NCOR2: variants seen among roughly 807,000 people sequenced by gnomAD.
NCOR2 encodes CTG repeat protein 26.
Under a neutral mutation model 262.9 loss-of-function variants are expected in NCOR2, and 81 were observed. The observed-to-expected ratio is 0.31, with a 90% confidence interval of 0.26 to 0.37. NCOR2 has a LOEUF of 0.37. Among genes scored for constraint, NCOR2 ranks in the 10% least tolerant of loss-of-function variants. NCOR2 has a pLI of 1.00. For synonymous variants in NCOR2, 1,659 were observed against 1,559.3 expected, an observed-to-expected ratio of 1.06 and a Z score of -1.51; for missense variants, 3,385 against 3,621.4, an observed-to-expected ratio of 0.93 and a Z score of 1.68.
intron 7 of NCOR2, 100 bp downstream of exon 9, chr12:124,449,714 TG>T: frequency 7.1e-7 from 1 of 1,404,438 alleles, no homozygotes; most frequent in Non-Finnish European, 9.8e-7. Context: ...GAGCCCCTGA[TG>T]GGAACAGAGA....
At chr12:124,384,741 G>A (rs1051837128) in intron 17 of NCOR2, among the ~76,000 whole-genome samples, 1 of 152,070 alleles carries the variant, frequency 6.6e-6, no homozygotes, top group African/African-American at 2.4e-5. Context: ...ATTCAGCATG[G>A]CCTGCCCGGA....
intron 11 of NCOR2, among the ~76,000 whole-genome samples, chr12:124,423,343 G>A (rs1194719843): frequency 6.6e-6 from 1 of 152,196 alleles, no homozygotes; most frequent in Non-Finnish European, 1.5e-5. Context: ...GGAGAGCAGC[G>A]GCTGGCTGCT....
intron 20 of NCOR2, among the ~76,000 whole-genome samples, chr12:124,366,915 A>T (rs2039084077): frequency 6.6e-6 from 1 of 152,234 alleles, no homozygotes; most frequent in Non-Finnish European, 1.5e-5. Flanking sequence ...TGCTAGCCAT[A>T]AAGGGTTCGA....
At chr12:124,511,079 G>A (rs1050141184) in intron 1 of NCOR2, among the ~76,000 whole-genome samples, 5 of 152,378 alleles carry the variant, frequency 3.3e-5, no homozygotes, top group Middle Eastern at 3.4e-3. Context: ...AACATGCTAA[G>A]AGCAAAATCG....
At chr12:124,498,403 C>T (rs770729216), upstream of NCOR2, among the ~76,000 whole-genome samples, 10 of 152,170 alleles carry the variant, frequency 6.6e-5, no homozygotes, top group Admixed American at 1.3e-4. Flanking sequence ...GCTGGAACCT[C>T]GGCCCCTCAC....
intron 8 of NCOR2, among the ~76,000 whole-genome samples, chr12:124,431,586 C>T (rs529527212): frequency 6.6e-6 from 1 of 151,402 alleles, no homozygotes; most frequent in Admixed American, 6.6e-5. Flanking sequence ...CACACACACA[C>T]AGATATATGC....
chr12:124,465,244 A>C (rs2046360818), intron 5 of NCOR2, among the ~76,000 whole-genome samples: 1 of 152,222 alleles, frequency 6.6e-6, no homozygotes, highest in Non-Finnish European at 1.5e-5. Context: ...CACAAGGACC[A>C]GTCCCTCTCT....
intron 1 of NCOR2, among the ~76,000 whole-genome samples, chr12:124,493,744 T>C (rs966977129): frequency 2.0e-5 from 3 of 152,130 alleles, no homozygotes; most frequent in African/African-American, 7.2e-5. Context: ...AAATATAAAA[T>C]CATTTCCCAC....
At chr12:124,372,408 C>T (rs533776377) in exon 20 of NCOR2, 24 of 1,320,332 alleles carry the variant, frequency 1.8e-5, no homozygotes, top group East Asian at 3.5e-5. Flanking sequence ...CTGGTGGGGG[C>T]GTAGGGGCTC....
At chr12:124,530,854 G>T (rs1452990215) in intron 1 of NCOR2, among the ~76,000 whole-genome samples, 1 of 152,218 alleles carries the variant, frequency 6.6e-6, no homozygotes, top group Admixed American at 6.5e-5. Flanking sequence ...GCTGCTGCCA[G>T]GTGATAAATG....
intron 41 of NCOR2, among the ~76,000 whole-genome samples, chr12:124,333,753 C>T (rs2135758025): frequency 6.6e-6 from 1 of 152,276 alleles, no homozygotes; most frequent in East Asian, 1.9e-4. Flanking sequence ...CCACGGTTCA[C>T]CAGGGTGGGG....
At chr12:124,527,276 A>C (rs1167251838) in intron 1 of NCOR2, among the ~76,000 whole-genome samples, 1 of 152,220 alleles carries the variant, frequency 6.6e-6, no homozygotes, top group Non-Finnish European at 1.5e-5. Flanking sequence ...AGACGGGGGC[A>C]GATGACTTGA....
At position 124,349,411 on chromosome 12, in the gene NCOR2, G is replaced by C. The variant is rs73419862; in HGVS notation, c.3845-1097C>G. ...CCACGGCCCGTGAGCTACTCCAGGG[G>C]TTGCCAACAGGAGGGTACTAGGTTG... On this transcript the variant is annotated intron_variant, in intron 28 of 46. Coordinates refer to ENST00000405201, the Ensembl canonical transcript of NCOR2. Among the ~76,000 whole-genome samples the C allele has an allele frequency of 4.0e-3, 610 of 152,318 alleles. 5 individuals carry two copies. Among genetic ancestry groups the C allele is most frequent in the African/African-American group, 0.013 (560 of 41,568 alleles).
chr12:124,340,370 C>T (rs1420676873), exon 36 of NCOR2: 1 of 1,612,954 alleles, frequency 6.2e-7, no homozygotes, highest in Non-Finnish European at 8.5e-7. Flanking sequence ...GATCCCGGTC[C>T]CGCTCTCGAT....
At chr12:124,480,769 C>A (rs2047413420) in intron 3 of NCOR2, among the ~76,000 whole-genome samples, 1 of 149,606 alleles carries the variant, frequency 6.7e-6, no homozygotes, top group South Asian at 2.1e-4. Flanking sequence ...TGAGTTCCTG[C>A]AAGGGCTGAC....
At chr12:124,417,497 C>T (rs1172413751) in intron 13 of NCOR2, among the ~76,000 whole-genome samples, 1 of 152,166 alleles carries the variant, frequency 6.6e-6, no homozygotes, top group African/African-American at 2.4e-5. Context: ...CCAGGAAGGG[C>T]TCCCACCACA....
At chr12:124,348,483 CCTGGGGGCCTGCCAGCAGGA>C in intron 28 of NCOR2, 169 bp from the exon 31 acceptor site, 1 of 871,278 alleles carries the variant, frequency 1.1e-6, no homozygotes, top group Non-Finnish European at 1.7e-6. Flanking sequence ...GCCTGCAGGC[CCTGGGGGCCTGCCAGCAGGA>C]CCCAGGAGCT....
rs1046809740 is a variant in NCOR2 at position 124,457,588 on chromosome 12, A to G, written c.706-426T>C. On this transcript the variant is annotated intron_variant, in intron 5 of 46. Transcript: ENST00000405201. This position sits in a 1 kb window ranked among gnomAD's most constrained non-coding sequence, Gnocchi z 4.0. ...TCAGAGCTAGTGCAGCCAGCGAGGG[A>G]AGGAGGAGGAGGAGGAGGAGGGAGG... is the stretch of plus-strand genomic sequence containing the variant. Among the ~76,000 whole-genome samples the G allele has an allele frequency of 2.0e-5, 3 of 151,718 alleles. No homozygotes were observed. The highest frequency in any genetic ancestry group is 1.3e-4 in the Admixed American group (2 of 15,248).
chr12:124,491,322 G>A (rs1483629066), intron 1 of NCOR2, among the ~76,000 whole-genome samples: 3 of 152,220 alleles, frequency 2.0e-5, no homozygotes, highest in Non-Finnish European at 2.9e-5. Flanking sequence ...TACCCTGTGC[G>A]AAGGACTCTG....
Sources: gnomAD v4.1 joint callset for allele counts (sites outside exome capture counted in the v4.1 genomes callset) on GRCh38, gnomAD v4.1.1 for gene constraint, Gnocchi (gnomAD v3.1) non-coding constraint, MANE v1.5 for transcripts, NCBI Gene and HGNC (gene_info 2026-07-23, HGNC 2026-07-21) for gene names.